The following AKR1C4 variants were observed in gnomAD, a reference collection of about 807,000 sequenced individuals.
AKR1C4 encodes the protein aldo-keto reductase family 1 member C4.
Under a neutral mutation model 41.0 loss-of-function variants are expected in AKR1C4, and 44 were observed. The ratio of observed to expected loss-of-function variants is 1.07; its 90% CI spans 0.84 to 1.38. The LOEUF is 1.38. AKR1C4 is among the 40% of genes most tolerant of loss of function. AKR1C4 has a pLI of 0.00. For missense variants in AKR1C4, 438 were observed against 387.9 expected, an observed-to-expected ratio of 1.13 and a Z score of -1.09; for synonymous variants, 165 against 137.7, an observed-to-expected ratio of 1.20 and a Z score of -1.39.
At chr10:5,200,913 A>G (rs1832391598) in intron 2 of AKR1C4, among the ~76,000 whole-genome samples, 1 of 152,126 alleles carries the variant, frequency 6.6e-6, no homozygotes, top group South Asian at 2.1e-4. Flanking sequence ...TCAAGCTCCA[A>G]GTTCCTGCAA....
At chr10:5,204,613 G>T in intron 3 of AKR1C4, 120 bp downstream of exon 3, 1 of 838,982 alleles carries the variant, frequency 1.2e-6, no homozygotes, top group Non-Finnish European at 2.1e-6. Flanking sequence ...AGAGTCCTAA[G>T]TATAATGCCT....
intron 7 of AKR1C4, 70 bp from the exon 8 acceptor site, chr10:5,216,641 T>G (rs1832661624): frequency 5.3e-6 from 6 of 1,140,148 alleles, no homozygotes; most frequent in Non-Finnish European, 7.8e-6. Context: ...CCCTACTGTG[T>G]GATATACTTG....
chr10:5,206,509 G>A, intron 5 of AKR1C4, 112 bp downstream of exon 5: 1 of 1,553,482 alleles, frequency 6.4e-7, no homozygotes. Context: ...GAAGATTCTA[G>A]AAAGCAAAAC....
intron 2 of AKR1C4, among the ~76,000 whole-genome samples, chr10:5,201,550 G>C (rs1832400815): frequency 6.6e-6 from 1 of 152,108 alleles, no homozygotes; most frequent in African/African-American, 2.4e-5. Context: ...CATTCTGTAG[G>C]TTGTCTGTTT....
intron 5 of AKR1C4, among the ~76,000 whole-genome samples, chr10:5,210,658 C>T (rs1248402314): frequency 1.3e-5 from 2 of 151,048 alleles, no homozygotes; most frequent in Non-Finnish European, 2.9e-5. Flanking sequence ...CAGGCCCAGG[C>T]TGGAGTGCAA....
chr10:5,197,540 C>T (rs1159376787), intron 1 of AKR1C4, among the ~76,000 whole-genome samples: 1 of 152,174 alleles, frequency 6.6e-6, no homozygotes, highest in Non-Finnish European at 1.5e-5. Context: ...TAAGGAAAAC[C>T]TAGAACCTCA....
chr10:5,212,788 A>T, intron 6 of AKR1C4, 63 bp downstream of exon 6: 1 of 1,537,742 alleles, frequency 6.5e-7, no homozygotes, highest in Non-Finnish European at 8.9e-7. Context: ...TAGTTATAGC[A>T]TACTCAGTCT....
In AKR1C4 at chr10:5,213,040, G is replaced by C; in HGVS notation, c.727G>C (p.Ala243Pro). Residue 243 changes from alanine to proline, a missense_variant, in exon 7 of 9, where the codon GCC (alanine) becomes CCC (proline). Coordinates refer to ENST00000263126, the MANE Select transcript of AKR1C4 (RefSeq NM_001818.5). Reference sequence around the variant, plus strand: ...TCTTTTGGAGGACCCAGTTCTTTGTGCCTTAGCAAAGAAACACAAACAAAC... The same window carrying C: ...TCTTTTGGAGGACCCAGTTCTTTGTCCCTTAGCAAAGAAACACAAACAAAC... ...PVLLEDPVLC[A>P]LAKKHKQTPA... 5.0e-6 allele frequency: 8 copies of C among 1,614,098 alleles called. No individual in the cohort carries two copies. Among genetic ancestry groups the C allele is most frequent in the Non-Finnish European group, 6.8e-6 (8 of 1,179,994 alleles).
At chr10:5,201,231 TAA>T (rs1329912998) in intron 2 of AKR1C4, among the ~76,000 whole-genome samples, 5 of 152,210 alleles carry the variant, frequency 3.3e-5, no homozygotes, top group East Asian at 3.8e-4. Context: ...ACCAGCCGTG[TAA>T]AAGTGTTCTC....
Position 5,200,168 on chromosome 10 carries a change from G to A in AKR1C4, c.85-13G>A, listed in dbSNP as rs200358990. The A allele has an allele frequency of 3.1e-6, 5 of 1,605,344 alleles. No individual in the cohort carries two copies. Among genetic ancestry groups the A allele is most frequent in the Non-Finnish European group, 4.3e-6 (5 of 1,175,946 alleles). On this transcript the variant is annotated splice_polypyrimidine_tract_variant and intron_variant, in intron 1 of 8. Coordinates refer to ENST00000263126, the MANE Select transcript of AKR1C4 (RefSeq NM_001818.5). ...CATTGATCACCAAATACTACCTTTC[G>A]TTGCTCCTTCAGGTTCCGAGGAACA...
chr10:5,215,820 C>A (rs543016501), intron 7 of AKR1C4, among the ~76,000 whole-genome samples: 3 of 152,298 alleles, frequency 2.0e-5, no homozygotes, highest in South Asian at 2.1e-4. Context: ...CAATGCCTAA[C>A]AAGTTCCAGA....
intron 6 of AKR1C4, 118 bp from the exon 7 acceptor site, chr10:5,212,876 G>T: frequency 1.4e-6 from 2 of 1,435,194 alleles, no homozygotes; most frequent in Non-Finnish European, 1.9e-6. Context: ...TGCTGCTGCT[G>T]TTCAGGGACC....
chr10:5,212,918 C>A, intron 6 of AKR1C4, 76 bp from the exon 7 acceptor site: 1 of 1,553,924 alleles, frequency 6.4e-7, no homozygotes, highest in Non-Finnish European at 8.7e-7. Flanking sequence ...AGAATGAACA[C>A]CTTAGTCTGT....
At chr10:5,218,350 T>TA (rs1279452999) in intron 8 of AKR1C4, among the ~76,000 whole-genome samples, 2 of 152,210 alleles carry the variant, frequency 1.3e-5, no homozygotes, top group Non-Finnish European at 2.9e-5. Context: ...GATGAACATA[T>TA]AGCTGGCTTA....
At chr10:5,203,679 G>GA (rs1238708937) in intron 2 of AKR1C4, among the ~76,000 whole-genome samples, 2 of 152,238 alleles carry the variant, frequency 1.3e-5, no homozygotes, top group Non-Finnish European at 2.9e-5. Flanking sequence ...TTGCTTCTTG[G>GA]AAAAAAGTTT....
chr10:5,205,847 A>C lies in AKR1C4; in HGVS notation c.447+13A>C. On this transcript the variant is annotated intron_variant, in intron 4 of 8. Coordinates refer to ENST00000263126, the MANE Select transcript of AKR1C4 (RefSeq NM_001818.5). Reference sequence around the variant, plus strand: ...TGCCACATGGGAGGTGAGTGCTTGGAGGACAGAGTACAGAAAAGGAAGACA... The same window carrying C: ...TGCCACATGGGAGGTGAGTGCTTGGCGGACAGAGTACAGAAAAGGAAGACA... 1 of 1,609,412 alleles carries C rather than the reference A, an allele frequency of 6.2e-7. No individual in the cohort carries two copies. Among genetic ancestry groups the C allele is most frequent in the Non-Finnish European group, 8.5e-7 (1 of 1,177,166 alleles).
At chr10:5,210,843 T>C (rs1357654548) in intron 5 of AKR1C4, among the ~76,000 whole-genome samples, 2 of 152,158 alleles carry the variant, frequency 1.3e-5, no homozygotes, top group Non-Finnish European at 2.9e-5. Context: ...AACTCCTGAC[T>C]TTGTGATCTG....
intron 7 of AKR1C4, among the ~76,000 whole-genome samples, chr10:5,215,874 T>TCCA (rs1164330916): frequency 6.6e-6 from 1 of 152,192 alleles, no homozygotes; most frequent in Non-Finnish European, 1.5e-5. Flanking sequence ...TCCTGACACT[T>TCCA]CCAAACTGTG....
Position 5,204,446 on chromosome 10 carries a change from C to T in AKR1C4, c.322C>T (p.Leu108=). ...ALESSLKKLQ[L]DYVDLYLLHF... ...GGAAAGCTCACTGAAAAAACTTCAACTGGACTATGTTGACCTCTATCTTCT... is the reference window on the plus strand; with the variant it reads ...GGAAAGCTCACTGAAAAAACTTCAATTGGACTATGTTGACCTCTATCTTCT... Residue 108 remains leucine (L), a synonymous_variant, in exon 3 of 9, where the codon CTG becomes TTG. Coordinates refer to ENST00000263126, the MANE Select transcript of AKR1C4 (RefSeq NM_001818.5). 1.2e-6 allele frequency: 2 copies of T among 1,614,006 alleles called. No homozygotes were observed. Among genetic ancestry groups the T allele is most frequent in the Admixed American group, 1.7e-5 (1 of 60,008 alleles).
Sources: gnomAD v4.1 joint callset for allele counts (sites outside exome capture counted in the v4.1 genomes callset) on GRCh38, gnomAD v4.1.1 for gene constraint, MANE v1.5 for transcripts, NCBI Gene and HGNC (gene_info 2026-07-23, HGNC 2026-07-21) for gene names.